ADGRB3: variants seen among roughly 807,000 people sequenced by gnomAD.
ADGRB3 encodes brain-specific angiogenesis inhibitor 3.
ADGRB3 carries 37 observed loss-of-function variants against 193.4 expected under a neutral mutation model. The observed-to-expected ratio is 0.19, with a 90% CI of 0.15 to 0.25. The LOEUF (loss-of-function observed/expected upper bound fraction) is 0.25, where lower values mean the gene tolerates loss of function less well. Among genes scored for constraint, ADGRB3 ranks in the 10% least tolerant of loss-of-function variants. The probability of loss-of-function intolerance (pLI) is 1.00; values close to 1 mark genes in which losing one functional copy is unlikely to be tolerated. For synonymous variants in ADGRB3, 690 were observed against 644.2 expected, an observed-to-expected ratio of 1.07 and a Z score of -1.08; for missense variants, 1,637 against 1,852.9, an observed-to-expected ratio of 0.88 and a Z score of 2.14.
At chr6:68,966,554 C>T (rs939328758) in intron 8 of ADGRB3, among the ~76,000 whole-genome samples, 3 of 152,230 alleles carry the variant, frequency 2.0e-5, no homozygotes, top group South Asian at 2.1e-4. Flanking sequence ...GACACACTCT[C>T]CCCTTCTTCA....
At chr6:68,814,605 A>AGAC (rs1203404848) in intron 3 of ADGRB3, among the ~76,000 whole-genome samples, 127 of 152,228 alleles carry the variant, frequency 8.3e-4, no homozygotes, top group Non-Finnish European at 1.6e-3. Flanking sequence ...TTGGTGTTTT[A>AGAC]TACATGAAGT....
chr6:68,943,289 T>C (rs1480923504), intron 5 of ADGRB3, among the ~76,000 whole-genome samples: 3 of 152,140 alleles, frequency 2.0e-5, no homozygotes, highest in Non-Finnish European at 4.4e-5. Context: ...CATTTTTAAA[T>C]GGCAAAAAAT....
intron 25 of ADGRB3, 63 bp from the exon 26 acceptor site, chr6:69,339,270 G>T (rs1390307033): frequency 1.3e-6 from 2 of 1,552,680 alleles, no homozygotes; most frequent in Admixed American, 1.9e-5. Flanking sequence ...GTTGAATGGG[G>T]GTTTGGCTAT....
intron 3 of ADGRB3, among the ~76,000 whole-genome samples, chr6:68,739,212 G>C: frequency 6.6e-6 from 1 of 152,008 alleles, no homozygotes. Context: ...TGGATTTAAG[G>C]GTAAATACGA....
chr6:68,742,979 A>G (rs1187942333), intron 3 of ADGRB3, among the ~76,000 whole-genome samples: 1 of 151,930 alleles, frequency 6.6e-6, no homozygotes, highest in African/African-American at 2.4e-5. Flanking sequence ...GTTCTATAGT[A>G]CTTGTGTTTA....
intron 17 of ADGRB3, among the ~76,000 whole-genome samples, chr6:69,122,779 G>A (rs1773749225): frequency 6.6e-6 from 1 of 151,920 alleles, no homozygotes; most frequent in Non-Finnish European, 1.5e-5. Context: ...TGGCCAAGAG[G>A]AGGCTTCAAA....
At chr6:69,278,963 G>GAAAGCTTTAAA (rs1276835384) in intron 20 of ADGRB3, among the ~76,000 whole-genome samples, 1 of 150,316 alleles carries the variant, frequency 6.7e-6, no homozygotes, top group East Asian at 2.0e-4. Flanking sequence ...ACTTGAAAAT[G>GAAAGCTTTAAA]AAAGCTTTAA....
At chr6:69,265,662 T>C (rs1047614432) in intron 20 of ADGRB3, among the ~76,000 whole-genome samples, 2 of 152,058 alleles carry the variant, frequency 1.3e-5, no homozygotes, top group South Asian at 2.1e-4. Flanking sequence ...TTCTTCTCTA[T>C]TGTAATATCT....
At chr6:68,897,352 T>C (rs1188117284) in intron 3 of ADGRB3, among the ~76,000 whole-genome samples, 1 of 149,388 alleles carries the variant, frequency 6.7e-6, no homozygotes, top group Non-Finnish European at 1.5e-5. Context: ...CAGAGGTTAT[T>C]TCGTCTTAAA....
At chr6:68,848,302 A>G (rs189471991) in intron 3 of ADGRB3, among the ~76,000 whole-genome samples, 2 of 152,076 alleles carry the variant, frequency 1.3e-5, no homozygotes, top group African/African-American at 2.4e-5. Flanking sequence ...TGAATAAAAC[A>G]CAATCTATTA....
At chr6:68,646,066 T>C (rs1354701337) in intron 3 of ADGRB3, among the ~76,000 whole-genome samples, 2 of 152,204 alleles carry the variant, frequency 1.3e-5, no homozygotes, top group Non-Finnish European at 2.9e-5. Context: ...TTCAGACATA[T>C]CTATATTCTT....
In ADGRB3 at chr6:68,772,889, AAAAAAATATATATATATATATAT is replaced by A. The variant is rs1173036917; in HGVS notation, c.757+133459_757+133481del. 9.9e-4 allele frequency among the ~76,000 whole-genome samples: 43 copies of A among 43,596 alleles called. 1 individual carries two copies. Among genetic ancestry groups the A allele is most frequent in the South Asian group, 4.4e-3 (7 of 1,604 alleles). The allele number at this position is 43,596 out of a possible 152,430, so 28.6% of individuals were successfully genotyped here. On this transcript the variant is annotated intron_variant, in intron 3 of 31. Coordinates refer to ENST00000370598, the MANE Select transcript of ADGRB3 (RefSeq NM_001704.3). ...AACAAACAAACAAACAAACAAAAAA[AAAAAAATATATATATATATATAT>A]ATATATATATATATATATATACATA...
At chr6:68,712,238 C>T (rs1765419145) in intron 3 of ADGRB3, among the ~76,000 whole-genome samples, 1 of 151,722 alleles carries the variant, frequency 6.6e-6, no homozygotes, top group South Asian at 2.1e-4. Flanking sequence ...AGATAAAATT[C>T]CTTTCATAAA....
At chr6:69,032,114 A>G (rs1770729772) in intron 13 of ADGRB3, among the ~76,000 whole-genome samples, 1 of 152,132 alleles carries the variant, frequency 6.6e-6, no homozygotes, top group Non-Finnish European at 1.5e-5. Flanking sequence ...GAGCAAAAAG[A>G]CTGTTTGGGA....
chr6:68,755,626 T>G (rs1161471585), intron 3 of ADGRB3, among the ~76,000 whole-genome samples: 1 of 152,122 alleles, frequency 6.6e-6, no homozygotes, highest in Non-Finnish European at 1.5e-5. Flanking sequence ...GATGAGAGTT[T>G]GAAGGGAGTC....
In ADGRB3 at chr6:68,912,422, G is replaced by C. The variant is rs147936111; in HGVS notation, c.758-18137G>C. 5.3e-3 allele frequency among the ~76,000 whole-genome samples: 806 copies of C among 151,328 alleles called. 8 individuals are homozygous for C. The highest frequency in any genetic ancestry group is 0.018 in the African/African-American group (758 of 41,182). On this transcript the variant is annotated intron_variant, in intron 3 of 31. Transcript: ENST00000370598. ...TAGGGTACATGTGCACAATGTGCAG[G>C]TTAGTTACATATGTATACATGTGCC...
At chr6:69,031,570 TCCTCTGTC>T (rs1770706810) in intron 13 of ADGRB3, among the ~76,000 whole-genome samples, 2 of 139,940 alleles carry the variant, frequency 1.4e-5, no homozygotes, top group African/African-American at 2.6e-5. Context: ...TTTCTTTTCT[TCCTCTGTC>T]TCTGTCTCTC....
At chr6:68,981,114 T>A (rs891039825) in intron 10 of ADGRB3, among the ~76,000 whole-genome samples, 1 of 151,696 alleles carries the variant, frequency 6.6e-6, no homozygotes, top group African/African-American at 2.4e-5. Context: ...TTTTAATTCT[T>A]GTCACCACGC....
intron 17 of ADGRB3, among the ~76,000 whole-genome samples, chr6:69,165,722 A>G (rs1320555504): frequency 6.6e-6 from 1 of 152,030 alleles, no homozygotes; most frequent in African/African-American, 2.4e-5. Context: ...CTCTCCTCTA[A>G]ATTCTAGTAA....
Sources: gnomAD v4.1 joint callset for allele counts (sites outside exome capture counted in the v4.1 genomes callset) on GRCh38, gnomAD v4.1.1 for gene constraint, MANE v1.5 for transcripts, NCBI Gene and HGNC (gene_info 2026-07-23, HGNC 2026-07-21) for gene names.